TANGO6: variants seen among roughly 807,000 people sequenced by gnomAD.
The protein encoded by TANGO6 is transport and Golgi organization protein 6 homolog.
TANGO6 carries 90 observed loss-of-function variants against 114.2 expected under a neutral mutation model. That is an observed-to-expected ratio of 0.79 (90% CI 0.66 to 0.94). The LOEUF (loss-of-function observed/expected upper bound fraction) is 0.94, where lower values mean the gene tolerates loss of function less well. Among genes scored for constraint, TANGO6 ranks in the 40% least tolerant of loss-of-function variants. TANGO6 has a pLI of 0.00. For synonymous variants in TANGO6, 477 were observed against 509.8 expected (o/e 0.94, Z 0.87); for missense variants, 1,274 against 1,315.3 (o/e 0.97, Z 0.49).
At chr16:68,947,294 A>G (rs1251133833) in intron 14 of TANGO6, among the ~76,000 whole-genome samples, 1 of 151,984 alleles carries the variant, frequency 6.6e-6, no homozygotes, top group Non-Finnish European at 1.5e-5. Context: ...TCTCTACTAA[A>G]ATTACAAAAA....
chr16:69,080,702 T>A (rs1280680278), intron 17 of TANGO6, among the ~76,000 whole-genome samples: 1 of 152,212 alleles, frequency 6.6e-6, no homozygotes, highest in Admixed American at 6.5e-5. Context: ...ATATGTACTC[T>A]TTTGTACTGT....
intron 7 of TANGO6, among the ~76,000 whole-genome samples, chr16:68,886,512 A>T (rs1245560809): frequency 4.7e-5 from 7 of 149,784 alleles, no homozygotes; most frequent in Non-Finnish European, 8.9e-5. Context: ...CAGTCTCTCC[A>T]TACTTTTTTT....
At position 68,909,135 on chromosome 16, in the gene TANGO6, GT is replaced by G. The variant is rs1962889682; in HGVS notation, c.1801-72del. 7 of 1,210,028 alleles carry G rather than the reference GT, an allele frequency of 5.8e-6. No homozygotes were observed. In the South Asian group the frequency reaches 1.6e-4, roughly 27 times the overall value. 75.0% of individuals were successfully genotyped at this position (1,210,028 alleles called of 1,614,324 possible). The stretch of plus-strand genomic sequence containing the variant: ...TATTTAAACATGCAGTTCAAACAGA[GT>G]TTTCTGCTTATGTTTGAGAAGGCCT... On this transcript the variant is annotated intron_variant, in intron 10 of 17. Transcript: ENST00000261778.
intron 16 of TANGO6, among the ~76,000 whole-genome samples, chr16:69,040,041 A>G (rs973980610): frequency 1.3e-5 from 2 of 152,214 alleles, no homozygotes; most frequent in African/African-American, 4.8e-5. Context: ...CAAAATGCAT[A>G]TAATATACAG....
intron 17 of TANGO6, among the ~76,000 whole-genome samples, chr16:69,046,993 C>T (rs945706595): frequency 6.6e-6 from 1 of 150,856 alleles, no homozygotes; most frequent in Non-Finnish European, 1.5e-5. Context: ...CCAGCCTGAC[C>T]AACATGGTGA....
At chr16:68,904,126 G>GTGCTGAGTGT (rs2152183191) in intron 9 of TANGO6, among the ~76,000 whole-genome samples, 1 of 151,784 alleles carries the variant, frequency 6.6e-6, no homozygotes, top group Admixed American at 6.6e-5. Context: ...TTGTTTTTTG[G>GTGCTGAGTGT]TGCTGAGTGT....
chr16:68,859,709 A>G (rs1300049454), intron 1 of TANGO6, among the ~76,000 whole-genome samples, 175 bp from the exon 2 acceptor site: 1 of 152,192 alleles, frequency 6.6e-6, no homozygotes, highest in Non-Finnish European at 1.5e-5. Flanking sequence ...AAGGCAGAAA[A>G]TGTGGTCTTA....
intron 16 of TANGO6, chr16:69,036,114 G>T (rs1418306881): frequency 1.3e-5 from 2 of 151,582 alleles, no homozygotes; most frequent in East Asian, 3.9e-4. Context: ...TAATACACCA[G>T]TTCATCATCT....
chr16:68,975,929 TTTG>T lies in TANGO6; in HGVS notation c.2842+1776_2842+1778del, dbSNP rs1174770738. Among the ~76,000 whole-genome samples the T allele has an allele frequency of 4.6e-5, 7 of 151,844 alleles. No individual in the cohort carries two copies. In the South Asian group the frequency reaches 8.3e-4, roughly 18 times the overall value. ...AAATGATGATATTATGGGTTTGGTT[TTTG>T]TTGTTGTTGTTGTTATTTTTGCAAC... On this transcript the variant is annotated intron_variant, in intron 15 of 17. Transcript: ENST00000261778.
chr16:68,993,848 C>G (rs1963967278), intron 15 of TANGO6, among the ~76,000 whole-genome samples: 1 of 152,042 alleles, frequency 6.6e-6, no homozygotes, highest in Non-Finnish European at 1.5e-5. Flanking sequence ...TTACCACAAA[C>G]CTAGAATTTT....
At chr16:69,009,840 A>C (rs1243331220) in intron 15 of TANGO6, among the ~76,000 whole-genome samples, 1 of 152,196 alleles carries the variant, frequency 6.6e-6, no homozygotes, top group African/African-American at 2.4e-5. Flanking sequence ...TGCTAACCTG[A>C]ATACTTACTT....
At position 68,928,641 on chromosome 16, in the gene TANGO6, A is replaced by T. The variant is rs1350582288; in HGVS notation, c.2643+558A>T. Among the ~76,000 whole-genome samples the T allele has an allele frequency of 1.2e-4, 19 of 152,090 alleles. 1 individual carries two copies. Among genetic ancestry groups the T allele is most frequent in the Admixed American group, 1.2e-3 (19 of 15,264 alleles). ...GCAAGAAATGCTGTGGGCAGTCAGG[A>T]AAAAGAGAAAGTTGAAATCTTCTGG... is the stretch of plus-strand genomic sequence containing the variant. On this transcript the variant is annotated intron_variant, in intron 13 of 17. Transcript: ENST00000261778.
intron 1 of TANGO6, among the ~76,000 whole-genome samples, chr16:68,852,257 A>G (rs74025323): frequency 0.012 from 1,845 of 152,332 alleles, 33 homozygotes; most frequent in African/African-American, 0.04. Flanking sequence ...TCACATACAT[A>G]TAGTATGTTA....
At chr16:68,843,845 T>G in intron 1 of TANGO6, 134 bp downstream of exon 1, 2 of 813,866 alleles carry the variant, frequency 2.5e-6, no homozygotes, top group Non-Finnish European at 4.0e-6. Flanking sequence ...CTGGGGGCTT[T>G]GAGCATTGTC....
intron 17 of TANGO6, among the ~76,000 whole-genome samples, chr16:69,071,186 C>A (rs1390768675): frequency 6.6e-6 from 1 of 152,130 alleles, no homozygotes; most frequent in Non-Finnish European, 1.5e-5. Flanking sequence ...TTCCCTTAAC[C>A]ATAAACACCT....
intron 12 of TANGO6, among the ~76,000 whole-genome samples, chr16:68,927,134 A>G (rs183220663): frequency 4.4e-4 from 67 of 152,304 alleles, no homozygotes; most frequent in Non-Finnish European, 8.4e-4. Flanking sequence ...ACTTTAGATC[A>G]TGTAGTTAAG....
chr16:69,049,847 C>A (rs949025419), intron 17 of TANGO6, among the ~76,000 whole-genome samples: 1 of 151,936 alleles, frequency 6.6e-6, no homozygotes, highest in Non-Finnish European at 1.5e-5. Context: ...TCCCAAAGTG[C>A]TGAGATTACA....
At chr16:68,946,945 A>T (rs545246877) in intron 14 of TANGO6, among the ~76,000 whole-genome samples, 2 of 152,198 alleles carry the variant, frequency 1.3e-5, no homozygotes, top group Admixed American at 1.3e-4. Context: ...ATCCATTTCG[A>T]GCTAATTTTT....
At chr16:69,047,651 G>A (rs1344064586) in intron 17 of TANGO6, among the ~76,000 whole-genome samples, 2 of 152,090 alleles carry the variant, frequency 1.3e-5, no homozygotes, top group Non-Finnish European at 2.9e-5. Context: ...ATACAATTGG[G>A]AAAAAAGTTG....
Sources: allele counts gnomAD v4.1 joint callset (sites outside exome capture counted in the v4.1 genomes callset), GRCh38; gene constraint gnomAD v4.1.1; transcripts MANE v1.5; gene names NCBI Gene and HGNC (gene_info 2026-07-23, HGNC 2026-07-21).